PAX3: variants seen among roughly 807,000 people sequenced by gnomAD.
PAX3 encodes the protein paired box protein Pax-3.
Under a neutral mutation model 51.6 loss-of-function variants are expected in PAX3, and 14 were observed. That is an observed-to-expected ratio of 0.27 (90% confidence interval 0.18 to 0.42). The LOEUF is 0.42. Ranked by LOEUF, PAX3 falls within the 10% of genes least tolerant of loss-of-function variation. PAX3 has a pLI of 1.00. For missense variants in PAX3, 540 were observed against 642.8 expected (o/e 0.84, Z 1.73); for synonymous variants, 280 against 253.4 (o/e 1.11, Z -1.00).
chr2:222,232,499 A>C (rs1574662479), intron 4 of PAX3, among the ~76,000 whole-genome samples: 1 of 151,902 alleles, frequency 6.6e-6, no homozygotes. Flanking sequence ...GACACCAAGC[A>C]CCCCGCCCCC....
At position 222,297,172 on chromosome 2, in the gene PAX3, C is replaced by G; in HGVS notation, c.127G>C (p.Gly43Arg). 3 of 1,598,372 alleles carry G rather than the reference C, an allele frequency of 1.9e-6. No homozygotes were observed. Among genetic ancestry groups the G allele is most frequent in the Non-Finnish European group, 1.7e-6 (2 of 1,172,766 alleles). The part of the protein sequence containing the change: ...LGQGRVNQLG[G>R]VFINGRPLPN... Reference sequence around the variant, plus strand: ...AGCGGCCTGCCGTTGATAAAAACACCGCCGAGCTGGTTGACGCGGCCCTGG... The same window carrying G: ...AGCGGCCTGCCGTTGATAAAAACACGGCCGAGCTGGTTGACGCGGCCCTGG... Residue 43 changes from glycine to arginine, a missense_variant, in exon 2 of 9, where the codon GGT becomes CGT. Gly to Arg is a moderately radical substitution (Grantham distance 125, BLOSUM62 -2). Transcript: ENST00000392070.
At chr2:222,256,255 T>C (rs1305768717) in intron 4 of PAX3, among the ~76,000 whole-genome samples, 1 of 152,138 alleles carries the variant, frequency 6.6e-6, no homozygotes, top group Admixed American at 6.5e-5. Flanking sequence ...TGTAAGGGTT[T>C]TCAGAATTTG....
At chr2:222,266,472 G>A (rs553326791) in intron 4 of PAX3, among the ~76,000 whole-genome samples, 3 of 152,150 alleles carry the variant, frequency 2.0e-5, no homozygotes, top group Non-Finnish European at 2.9e-5. Context: ...CTCCCTGAAA[G>A]TAGCCCCCTC....
At chr2:222,262,811 C>T (rs1297001328) in intron 4 of PAX3, 3 of 152,068 alleles carry the variant, frequency 2.0e-5, no homozygotes, top group Non-Finnish European at 4.4e-5. Context: ...ACAGACAATT[C>T]AGAAACAACC....
intron 7 of PAX3, among the ~76,000 whole-genome samples, chr2:222,213,068 G>A (rs750637046): frequency 3.9e-5 from 6 of 152,086 alleles, no homozygotes; most frequent in Non-Finnish European, 7.4e-5. Context: ...AAATCAACTC[G>A]GCAGACACAA....
At chr2:222,293,668 G>A (rs1559315624) in intron 4 of PAX3, 2 of 1,614,134 alleles carry the variant, frequency 1.2e-6, no homozygotes, top group Non-Finnish European at 1.7e-6. Flanking sequence ...GGCAGCCAAT[G>A]TGGGGGCAAT....
At chr2:222,233,725 G>A (rs1041509001) in intron 4 of PAX3, among the ~76,000 whole-genome samples, 1 of 152,106 alleles carries the variant, frequency 6.6e-6, no homozygotes, top group Non-Finnish European at 1.5e-5. Context: ...GCCTAGAGGG[G>A]GAACCAGAGC....
At chr2:222,279,330 T>C (rs190975137) in intron 4 of PAX3, among the ~76,000 whole-genome samples, 4 of 149,668 alleles carry the variant, frequency 2.7e-5, no homozygotes, top group Admixed American at 2.7e-4. Flanking sequence ...TGTGTGTGTG[T>C]GGTGTAGTAG....
intron 7 of PAX3, among the ~76,000 whole-genome samples, chr2:222,218,505 T>C (rs1441986773): frequency 6.6e-6 from 1 of 152,202 alleles, no homozygotes. Flanking sequence ...TTTACTTTTA[T>C]TAAAACTTTC....
chr2:222,240,914 G>A (rs1332921203), intron 4 of PAX3, among the ~76,000 whole-genome samples: 1 of 152,072 alleles, frequency 6.6e-6, no homozygotes, highest in Non-Finnish European at 1.5e-5. Flanking sequence ...GCATTTCAAA[G>A]AGAAAAAGAG....
rs777297575 is a variant in PAX3 at position 222,297,053 on chromosome 2, G to A, written c.246C>T (p.Cys82=). ...GGTACCTGCACAGGATCTTGGAGAC[G>A]CAGCCGTGGGACACGCGCAGCTGGC... The part of the protein sequence containing the change: ...ISRQLRVSHG[C]VSKILCRYQE... Residue 82 remains cysteine, a synonymous_variant, in exon 2 of 9, where the codon TGC becomes TGT. Coordinates refer to ENST00000392070, the MANE Select transcript of PAX3 (RefSeq NM_181458.4). 1 of 1,614,168 alleles carries A rather than the reference G, an allele frequency of 6.2e-7. No individual in the cohort carries two copies. Among genetic ancestry groups the A allele is most frequent in the Non-Finnish European group, 8.5e-7 (1 of 1,180,016 alleles).
rs143190584 is a variant in PAX3, at chr2:222,204,758, G to A, written c.1174-2568C>T. ...GTCCAGAGAGGAAAGATATCCAGTG[G>A]CACTAAATAAAAGGAAAATAAACTC... On this transcript the variant is annotated intron_variant, in intron 7 of 8. Transcript: ENST00000392070. Among the ~76,000 whole-genome samples the A allele has an allele frequency of 5.9e-5, 9 of 152,052 alleles. No individual in the cohort carries two copies. In the East Asian group the frequency reaches 1.7e-3, roughly 29 times the overall value.
chr2:222,278,079 G>A (rs1423329399), intron 4 of PAX3, among the ~76,000 whole-genome samples: 1 of 151,536 alleles, frequency 6.6e-6, no homozygotes, highest in East Asian at 1.9e-4. Flanking sequence ...CAAAAGATTA[G>A]ACACCCTGAT....
chr2:222,231,386 A>G (rs191025519), intron 5 of PAX3, among the ~76,000 whole-genome samples: 2 of 152,362 alleles, frequency 1.3e-5, no homozygotes, highest in East Asian at 1.9e-4. Flanking sequence ...ACATTATTCT[A>G]TACTCTATAG....
intron 7 of PAX3, among the ~76,000 whole-genome samples, chr2:222,212,623 A>T (rs1429660068): frequency 6.0e-5 from 1 of 16,540 alleles, no homozygotes; most frequent in Non-Finnish European, 1.8e-4. Flanking sequence ...GGAAAAACAA[A>T]CACACACACA....
intron 4 of PAX3, among the ~76,000 whole-genome samples, chr2:222,276,609 C>G (rs1228587643): frequency 1.3e-5 from 2 of 152,222 alleles, no homozygotes; most frequent in Non-Finnish European, 2.9e-5. Context: ...TCGCCCAGAG[C>G]TTCCATTTGT....
intron 4 of PAX3, among the ~76,000 whole-genome samples, chr2:222,246,878 G>A (rs1398936851): frequency 3.3e-5 from 5 of 152,072 alleles, no homozygotes; most frequent in Non-Finnish European, 7.4e-5. Context: ...AGATTATAAA[G>A]CACTACTCCT....
chr2:222,209,619 G>T lies in PAX3; in HGVS notation c.1174-7429C>A, dbSNP rs1691641400. Among the ~76,000 whole-genome samples, 3 of 141,032 alleles carry T rather than the reference G, an allele frequency of 2.1e-5. No individual in the cohort carries two copies. The South Asian group carries it at 7.1e-4, about 34-fold the overall frequency. 92.5% of individuals were successfully genotyped at this position (141,032 alleles called of 152,430 possible). A position where few individuals can be genotyped will look rare whatever the true frequency, so the allele number is the denominator to read the frequency against. The stretch of plus-strand genomic sequence containing the variant: ...TCATGCCTGTAATCTCAGCACTTTG[G>T]GAGGCTGAGGCCAGAGAATGGCTTG... On this transcript the variant is annotated intron_variant, in intron 7 of 8. Transcript: ENST00000392070.
At chr2:222,233,079 C>CAAAAAAAAA (rs71053063) in intron 4 of PAX3, 2 of 67,944 alleles carry the variant, frequency 2.9e-5, no homozygotes, top group African/African-American at 1.9e-4. Context: ...AAAGCCAATG[C>CAAAAAAAAA]AAAAAAAAAA....
Sources: allele counts gnomAD v4.1 joint callset (sites outside exome capture counted in the v4.1 genomes callset), GRCh38; gene constraint gnomAD v4.1.1; transcripts MANE v1.5; gene names NCBI Gene and HGNC (gene_info 2026-07-23, HGNC 2026-07-21).